Variants in ARHGEF33 observed in about 807,000 individuals in gnomAD.
ARHGEF33 encodes the protein Rho guanine nucleotide exchange factor 33.
A neutral mutation model predicts 101.9 loss-of-function variants in ARHGEF33; 72 were observed. The observed-to-expected ratio is 0.71, with a 90% CI of 0.58 to 0.86. The LOEUF is 0.86. Ranked by LOEUF, ARHGEF33 falls within the 40% of genes least tolerant of loss-of-function variation. The pLI, the probability that ARHGEF33 is intolerant of heterozygous loss-of-function variation, is 0.00. For missense variants in ARHGEF33, 1,169 were observed against 1,111.3 expected (o/e 1.05, Z -0.74); for synonymous variants, 499 against 442.5 (o/e 1.13, Z -1.60).
rs114706624 is a variant in ARHGEF33 at position 38,893,093 on chromosome 2, A to G, written c.-158-2684A>G. ...CCTGTCTAGCCTCACCTTCTACTCTACCTTCTTTGCTCCCTAGGGTTCCTA... is the reference window on the plus strand; with the variant it reads ...CCTGTCTAGCCTCACCTTCTACTCTGCCTTCTTTGCTCCCTAGGGTTCCTA... On this transcript the variant is annotated intron_variant, in intron 1 of 17. Coordinates refer to ENST00000409978, the MANE Select transcript of ARHGEF33 (RefSeq NM_001145451.5). 3.0e-3 allele frequency among the ~76,000 whole-genome samples: 451 copies of G among 150,790 alleles called. 4 individuals are homozygous for G. The highest frequency in any genetic ancestry group is 0.01 in the Middle Eastern group (3 of 288).
At chr2:38,898,756 C>T (rs563551483) in intron 2 of ARHGEF33, among the ~76,000 whole-genome samples, 2 of 152,282 alleles carry the variant, frequency 1.3e-5, no homozygotes, top group East Asian at 1.9e-4. Flanking sequence ...TTGATAAATA[C>T]ATCTTATTTA....
chr2:38,911,262 TTA>T (rs1666503436), intron 2 of ARHGEF33, among the ~76,000 whole-genome samples: 1 of 152,218 alleles, frequency 6.6e-6, no homozygotes, highest in African/African-American at 2.4e-5. Context: ...ATGAATTATT[TTA>T]GTTTCAGGGG....
At chr2:38,928,220 A>C (rs936455924) in intron 4 of ARHGEF33, among the ~76,000 whole-genome samples, 2 of 152,168 alleles carry the variant, frequency 1.3e-5, no homozygotes, top group African/African-American at 4.8e-5. Context: ...CATGATGTCA[A>C]AGTTGACCTG....
In ARHGEF33 at chr2:38,902,409, A is replaced by C. The variant is rs78460755; in HGVS notation, c.-86+6560A>C. 4.8e-3 allele frequency among the ~76,000 whole-genome samples: 738 copies of C among 152,344 alleles called. 6 individuals are homozygous for C. Among genetic ancestry groups the C allele is most frequent in the African/African-American group, 0.017 (708 of 41,582 alleles). The stretch of plus-strand genomic sequence containing the variant: ...TCCATAATCACCATATGTATATAAG[A>C]AATTGGGACTCTGTAGTGAAGCATT... On this transcript the variant is annotated intron_variant, in intron 2 of 17. Coordinates refer to ENST00000409978, the MANE Select transcript of ARHGEF33 (RefSeq NM_001145451.5).
At chr2:38,962,145 C>T (rs1667957554) in intron 16 of ARHGEF33, among the ~76,000 whole-genome samples, 1 of 152,140 alleles carries the variant, frequency 6.6e-6, no homozygotes, top group South Asian at 2.1e-4. Flanking sequence ...TTTTCAACCC[C>T]AAGCTTTGTA....
At chr2:38,927,629 G>A (rs1345824443) in intron 4 of ARHGEF33, among the ~76,000 whole-genome samples, 2 of 152,230 alleles carry the variant, frequency 1.3e-5, no homozygotes, top group African/African-American at 4.8e-5. Flanking sequence ...CCAGAAGGTA[G>A]AGGTTGCAGT....
chr2:38,907,868 T>A (rs918555701), intron 2 of ARHGEF33, among the ~76,000 whole-genome samples: 7 of 151,776 alleles, frequency 4.6e-5, no homozygotes, highest in Non-Finnish European at 1.0e-4. Flanking sequence ...GGATTTTTTT[T>A]TTTTTTTTTA....
intron 16 of ARHGEF33, among the ~76,000 whole-genome samples, chr2:38,962,866 A>G (rs1026759598): frequency 6.6e-4 from 99 of 150,300 alleles, no homozygotes; most frequent in African/African-American, 2.4e-3. Context: ...AAAAAAAAAA[A>G]AAAAAAAATT....
At chr2:38,945,587 A>AT (rs1667426895) in intron 10 of ARHGEF33, among the ~76,000 whole-genome samples, 1 of 152,124 alleles carries the variant, frequency 6.6e-6, no homozygotes, top group Non-Finnish European at 1.5e-5. Flanking sequence ...GGAAGTCTCT[A>AT]TGGGCTCCAG....
At position 38,931,084 on chromosome 2, in the gene ARHGEF33, C is replaced by A. The variant is rs79843393; in HGVS notation, c.363-25C>A. ...TATCAGATATTAAGAACCAGAATAG[C>A]CTTGTCTTTGTTTCTCTTTCCTAGG... On this transcript the variant is annotated intron_variant, in intron 6 of 17. Coordinates refer to ENST00000409978, the MANE Select transcript of ARHGEF33 (RefSeq NM_001145451.5). 2.0e-4 allele frequency: 313 copies of A among 1,533,050 alleles called. No homozygotes were observed. In the African/African-American group the frequency reaches 3.9e-3, roughly 19 times the overall value. 95.0% of individuals were successfully genotyped at this position (1,533,050 alleles called of 1,614,324 possible).
intron 10 of ARHGEF33, among the ~76,000 whole-genome samples, chr2:38,944,950 C>T (rs1177970028): frequency 6.6e-6 from 1 of 151,488 alleles, no homozygotes; most frequent in Non-Finnish European, 1.5e-5. Context: ...TTTCCCAATG[C>T]CGCAACACTC....
At chr2:38,893,534 C>G (rs1666052872) in intron 1 of ARHGEF33, among the ~76,000 whole-genome samples, 1 of 152,186 alleles carries the variant, frequency 6.6e-6, no homozygotes, top group African/African-American at 2.4e-5. Context: ...CTTAATGAAG[C>G]TTTCTCTAAT....
chr2:38,932,055 T>TA (rs1403894891), intron 7 of ARHGEF33, among the ~76,000 whole-genome samples: 1 of 152,240 alleles, frequency 6.6e-6, no homozygotes, highest in Non-Finnish European at 1.5e-5. Flanking sequence ...TAACTGAATC[T>TA]AAAAATCTAA....
intron 2 of ARHGEF33, among the ~76,000 whole-genome samples, chr2:38,906,805 CA>C (rs769713983): frequency 0.11 from 5,727 of 50,506 alleles, 116 homozygotes; most frequent in Middle Eastern, 0.17. Context: ...CCTGTATCTA[CA>C]AAAAAAAAAA....
intron 2 of ARHGEF33, among the ~76,000 whole-genome samples, chr2:38,907,327 G>A (rs1666414560): frequency 6.6e-6 from 1 of 152,174 alleles, no homozygotes; most frequent in Admixed American, 6.5e-5. Flanking sequence ...GCAGTAGTGG[G>A]AAATTATAGT....
chr2:38,921,746 C>T (rs1478549961), intron 4 of ARHGEF33, among the ~76,000 whole-genome samples: 1 of 152,108 alleles, frequency 6.6e-6, no homozygotes, highest in African/African-American at 2.4e-5. Context: ...TATTGAAAGA[C>T]AAGTTATCTC....
intron 5 of ARHGEF33, 145 bp from the exon 6 acceptor site, chr2:38,929,564 C>A (rs1572753586): frequency 1.7e-6 from 1 of 573,218 alleles, no homozygotes; most frequent in Non-Finnish European, 2.7e-6. Context: ...AAATTTGAGG[C>A]CACGATGGAA....
At chr2:38,937,312 C>CGGGGGGGGGGGGA in intron 8 of ARHGEF33, 23 bp from the exon 9 acceptor site, 1 of 583,332 alleles carries the variant, frequency 1.7e-6, no homozygotes, top group Non-Finnish European at 3.0e-6. Flanking sequence ...TTTGTTTCCC[C>CGGGGGGGGGGGGA]GCCCCTCCCC....
chr2:38,949,349 C>G (rs1292357892), intron 10 of ARHGEF33, among the ~76,000 whole-genome samples: 2 of 152,086 alleles, frequency 1.3e-5, no homozygotes, highest in Non-Finnish European at 2.9e-5. Context: ...CTTAAGTCAC[C>G]AAGTTAGAGC....
Sources: allele counts gnomAD v4.1 joint callset (sites outside exome capture counted in the v4.1 genomes callset), GRCh38; gene constraint gnomAD v4.1.1; transcripts MANE v1.5; gene names NCBI Gene and HGNC (gene_info 2026-07-23, HGNC 2026-07-21).